The following FNTB variants were observed in gnomAD, a reference collection of about 807,000 sequenced individuals.
The protein encoded by FNTB is farnesyltransferase, CAAX box, subunit beta.
A neutral mutation model predicts 59.4 loss-of-function variants in FNTB; 27 were observed. The ratio of observed to expected loss-of-function variants is 0.45; its 90% confidence interval spans 0.34 to 0.63. The LOEUF (loss-of-function observed/expected upper bound fraction) is 0.63. Among genes scored for constraint, FNTB ranks in the 20% least tolerant of loss-of-function variants. The pLI, the probability that FNTB is intolerant of heterozygous loss-of-function variation, is 0.02. For synonymous variants in FNTB, 230 were observed against 220.7 expected, an observed-to-expected ratio of 1.04 and a Z score of -0.37; for missense variants, 449 against 559.6, an observed-to-expected ratio of 0.80 and a Z score of 1.99.
chr14:64,987,130 C>T (rs368373272), intron 1 of FNTB, 33 bp downstream of exon 1: 1 of 1,612,998 alleles, frequency 6.2e-7, no homozygotes, highest in Non-Finnish European at 8.5e-7. Context: ...GGCGCCCGCG[C>T]GATGTGTTCT....
At chr14:64,989,673 G>A (rs918012744) in intron 1 of FNTB, among the ~76,000 whole-genome samples, 3 of 152,170 alleles carry the variant, frequency 2.0e-5, no homozygotes, top group Non-Finnish European at 4.4e-5. Context: ...GCTGTGAGTC[G>A]TCTGTTCCAT....
intron 7 of FNTB, among the ~76,000 whole-genome samples, chr14:65,037,932 A>T (rs2062251318): frequency 6.6e-6 from 1 of 151,530 alleles, no homozygotes; most frequent in Admixed American, 6.6e-5. Context: ...GGCGTGCGCC[A>T]CGACACCCAG....
At chr14:65,057,890 T>C (rs1325541778) in intron 11 of FNTB, among the ~76,000 whole-genome samples, 1 of 152,230 alleles carries the variant, frequency 6.6e-6, no homozygotes, top group Non-Finnish European at 1.5e-5. Flanking sequence ...TTCTGGACTC[T>C]CTTATTTTGT....
chr14:65,036,203 C>T (rs1204486156), intron 7 of FNTB, among the ~76,000 whole-genome samples: 1 of 152,034 alleles, frequency 6.6e-6, no homozygotes, highest in Non-Finnish European at 1.5e-5. Flanking sequence ...CCTTATATGT[C>T]AAGTGGTGGG....
rs1453407236 is a variant in FNTB at position 65,054,861 on chromosome 14, C to T, written c.1182+172C>T. Among the ~76,000 whole-genome samples the T allele has an allele frequency of 1.3e-5, 2 of 152,208 alleles. No individual in the cohort carries two copies. The highest frequency in any genetic ancestry group is 2.4e-5 in the African/African-American group (1 of 41,450). On this transcript the variant is annotated intron_variant, in intron 11 of 11. Transcript: ENST00000246166. This position sits in a 1 kb window ranked among gnomAD's most constrained non-coding sequence, Gnocchi z 4.4. ...AGTGAGGATGTGACCACAGAGGAGA[C>T]GCACCTCTGGGCAAGCTCAGGGTTC...
At position 65,032,739 on chromosome 14, in the gene FNTB, C is replaced by A; in HGVS notation, c.692+43C>A. 2 of 1,580,114 alleles carry A rather than the reference C, an allele frequency of 1.3e-6. No individual in the cohort carries two copies. The highest frequency in any genetic ancestry group is 1.1e-5 in the South Asian group (1 of 87,712). ...TTCTCCTGGCCTCTTGGAGAGCAGG[C>A]GGTCACGACACTACTTCAGAAAAAT... is the stretch of plus-strand genomic sequence containing the variant. On this transcript the variant is annotated intron_variant, in intron 7 of 11. Transcript: ENST00000246166. This position sits in a 1 kb window ranked among gnomAD's most constrained non-coding sequence, Gnocchi z 5.0.
chr14:65,012,530 G>T lies in FNTB; in HGVS notation c.282+141G>T, dbSNP rs762283921. On this transcript the variant is annotated intron_variant, in intron 3 of 11. Coordinates refer to ENST00000246166, the MANE Select transcript of FNTB (RefSeq NM_002028.4). This position sits in a 1 kb window ranked among gnomAD's most constrained non-coding sequence, Gnocchi z 5.0. ...CTCTGTGGCTCTGGCAGGAGGTAGG[G>T]TGCTGTCACAGAGCTGGGACTCAGC... 8.5e-7 allele frequency: 1 copy of T among 1,183,396 alleles called. No homozygotes were observed. The highest frequency in any genetic ancestry group is 1.2e-6 in the Non-Finnish European group (1 of 843,574). The allele number at this position is 1,183,396 out of a possible 1,614,324, so 73.3% of individuals were successfully genotyped here. A position where few individuals can be genotyped will look rare whatever the true frequency, so the allele number is the denominator to read the frequency against.
intron 9 of FNTB, among the ~76,000 whole-genome samples, chr14:65,050,471 A>T (rs2139665113): frequency 6.6e-6 from 1 of 152,208 alleles, no homozygotes; most frequent in African/African-American, 2.4e-5. Context: ...TGTACCTGTA[A>T]TCCAAGGTAC....
intron 9 of FNTB, among the ~76,000 whole-genome samples, chr14:65,046,437 A>G (rs1234994490): frequency 6.6e-6 from 1 of 152,254 alleles, no homozygotes; most frequent in East Asian, 1.9e-4. Context: ...GGAATGAGCT[A>G]TAACAGGAGC....
Position 65,044,801 on chromosome 14 carries a change from C to T in FNTB, c.955+358C>T, listed in dbSNP as rs1036294633. On this transcript the variant is annotated intron_variant, in intron 9 of 11. Transcript: ENST00000246166. The surrounding 1 kb of genome is among the most constrained non-coding windows in gnomAD (Gnocchi z 5.5). ...CACCTCCTCTGGGTGCAGGGCAGAG[C>T]TGAAAACCCTCAGTGTTGCAACAGT... 4.6e-6 allele frequency: 1 copy of T among 217,516 alleles called. No homozygotes were observed. The highest frequency in any genetic ancestry group is 2.3e-5 in the African/African-American group (1 of 42,618). 13.5% of individuals were successfully genotyped at this position (217,516 alleles called of 1,614,324 possible).
Position 65,061,981 on chromosome 14 carries a change from C to T in FNTB, c.*669C>T, listed in dbSNP as rs2062873136. The stretch of plus-strand genomic sequence containing the variant: ...GGTGCACAGGCAAGACTTGCTTCAG[C>T]CCCAGGTGTGGTGACTTAGACCTAG... On this transcript the variant is annotated 3_prime_UTR_variant, in exon 12 of 12. Coordinates refer to ENST00000246166, the MANE Select transcript of FNTB (RefSeq NM_002028.4). 6.6e-6 allele frequency: 1 copy of T among 152,494 alleles called. No individual in the cohort carries two copies. Among genetic ancestry groups the T allele is most frequent in the South Asian group, 2.1e-4 (1 of 4,836 alleles). 9.4% of individuals were successfully genotyped at this position (152,494 alleles called of 1,614,324 possible). A position where few individuals can be genotyped will look rare whatever the true frequency, so the allele number is the denominator to read the frequency against.
chr14:65,032,690 T>C lies in FNTB; in HGVS notation c.686T>C (p.Ile229Thr), dbSNP rs1164233373. 6.2e-7 allele frequency: 1 copy of C among 1,613,380 alleles called. No homozygotes were observed. Among genetic ancestry groups the C allele is most frequent in the South Asian group, 1.1e-5 (1 of 91,014 alleles). The stretch of plus-strand genomic sequence containing the variant: ...CTCTTTGAGGGCACTGCTGAATGGA[T>C]AGCAAGGTGAGAGAAGCCAGGGTTT... ...PDLFEGTAEW[I>T]ARCQNWEGGI... The change falls in exon 7 of 12, where the codon ATA becomes ACA. Residue 229 changes from isoleucine to threonine, a missense_variant. Physicochemically the swap from Ile to Thr is moderately conservative, Grantham distance 89. Transcript: ENST00000246166. This position sits in a 1 kb window ranked among gnomAD's most constrained non-coding sequence, Gnocchi z 5.0.
chr14:64,999,677 C>T (rs796976109), intron 1 of FNTB, among the ~76,000 whole-genome samples: 63 of 152,212 alleles, frequency 4.1e-4, no homozygotes, highest in African/African-American at 1.4e-3. Flanking sequence ...GTTCTTAGTT[C>T]TCCATGGGAC....
chr14:65,010,276 A>G (rs1252305325), intron 2 of FNTB, among the ~76,000 whole-genome samples: 1 of 152,158 alleles, frequency 6.6e-6, no homozygotes, highest in Non-Finnish European at 1.5e-5. Context: ...GGGTCTTCCC[A>G]CAGTTTTGTT....
rs1189189627 is a variant in FNTB at position 65,001,486 on chromosome 14, C to A, written c.145-2763C>A. On this transcript the variant is annotated intron_variant, in intron 1 of 11. Transcript: ENST00000246166. The surrounding 1 kb of genome is among the most constrained non-coding windows in gnomAD (Gnocchi z 5.5). ...GATGTTCCCACCATGATGAAATCAC[C>A]TAAGAAGGCGTCTCTCAGAATGTAT... Among the ~76,000 whole-genome samples the A allele has an allele frequency of 6.6e-6, 1 of 152,128 alleles. No individual in the cohort carries two copies. The highest frequency in any genetic ancestry group is 1.5e-5 in the Non-Finnish European group (1 of 68,020).
chr14:65,021,728 T>C (rs1223150747), intron 4 of FNTB, among the ~76,000 whole-genome samples: 1 of 152,110 alleles, frequency 6.6e-6, no homozygotes, highest in African/African-American at 2.4e-5. Flanking sequence ...TCACTGCAAC[T>C]TCCACCTTCC....
Position 65,032,712 on chromosome 14 carries a change from G to T in FNTB, c.692+16G>T, listed in dbSNP as rs1368767043. 6.2e-7 allele frequency: 1 copy of T among 1,611,996 alleles called. No homozygotes were observed. Among genetic ancestry groups the T allele is most frequent in the Non-Finnish European group, 8.5e-7 (1 of 1,179,476 alleles). ...GGATAGCAAGGTGAGAGAAGCCAGG[G>T]TTTCTCCTGGCCTCTTGGAGAGCAG... On this transcript the variant is annotated intron_variant, in intron 7 of 11. Coordinates refer to ENST00000246166, the MANE Select transcript of FNTB (RefSeq NM_002028.4). This position sits in a 1 kb window ranked among gnomAD's most constrained non-coding sequence, Gnocchi z 5.0.
At chr14:65,002,036 G>C (rs572828026) in intron 1 of FNTB, among the ~76,000 whole-genome samples, 1 of 152,312 alleles carries the variant, frequency 6.6e-6, no homozygotes, top group African/African-American at 2.4e-5. Flanking sequence ...CATCATCACA[G>C]ATAATTCTTT....
intron 2 of FNTB, among the ~76,000 whole-genome samples, chr14:65,005,489 CTTTCTTTCTT>C (rs1459949284): frequency 1.5e-5 from 2 of 136,726 alleles, no homozygotes; most frequent in East Asian, 4.9e-4. Flanking sequence ...TTCTTTCTTT[CTTTCTTTCTT>C]TCTTTCTTTC....
Sources: gnomAD v4.1 joint callset for allele counts (sites outside exome capture counted in the v4.1 genomes callset) on GRCh38, gnomAD v4.1.1 for gene constraint, Gnocchi (gnomAD v3.1) non-coding constraint, MANE v1.5 for transcripts, NCBI Gene and HGNC (gene_info 2026-07-23, HGNC 2026-07-21) for gene names.